The following BTBD9 variants were observed in gnomAD, a reference collection of about 807,000 sequenced individuals.
BTBD9 encodes BTB domain containing 9.
A neutral mutation model predicts 64.3 loss-of-function variants in BTBD9; 49 were observed. The observed-to-expected ratio is 0.76, with a 90% CI of 0.61 to 0.97. BTBD9 has a LOEUF of 0.97. BTBD9 is among the 50% of genes least tolerant of loss of function. BTBD9 has a pLI of 0.00. For missense variants in BTBD9, 598 were observed against 762.1 expected, an observed-to-expected ratio of 0.78 and a Z score of 2.53; for synonymous variants, 260 against 274.7, an observed-to-expected ratio of 0.95 and a Z score of 0.53.
chr6:38,438,759 A>G (rs1016570288), intron 6 of BTBD9, among the ~76,000 whole-genome samples: 1 of 152,242 alleles, frequency 6.6e-6, no homozygotes, highest in African/African-American at 2.4e-5. Flanking sequence ...ACAGATTAAA[A>G]AGACAAAATA....
intron 6 of BTBD9, among the ~76,000 whole-genome samples, chr6:38,399,335 T>C (rs1471687526): frequency 2.0e-5 from 3 of 152,100 alleles, no homozygotes; most frequent in African/African-American, 7.2e-5. Flanking sequence ...ACTACACACA[T>C]ATAATCACAT....
At position 38,548,725 on chromosome 6, in the gene BTBD9, T is replaced by C. The variant is rs191859839; in HGVS notation, c.1154+28875A>G. 4.6e-4 allele frequency among the ~76,000 whole-genome samples: 70 copies of C among 152,288 alleles called. 1 individual carries two copies. Among genetic ancestry groups the C allele is most frequent in the Non-Finnish European group, 7.9e-4 (54 of 68,022 alleles). On this transcript the variant is annotated intron_variant, in intron 6 of 10. Coordinates refer to ENST00000481247, the MANE Select transcript of BTBD9 (RefSeq NM_001099272.2). ...TGAAAACCACACTATAATTCAAATA[T>C]TGTTAAGGGTCATTGTCAATATGTT...
At chr6:38,234,731 T>A (rs1164940701) in intron 9 of BTBD9, among the ~76,000 whole-genome samples, 1 of 152,216 alleles carries the variant, frequency 6.6e-6, no homozygotes, top group African/African-American at 2.4e-5. Context: ...TGCCCAAGGA[T>A]GCTCGGCTAA....
chr6:38,347,080 T>C (rs1302090327), intron 6 of BTBD9, among the ~76,000 whole-genome samples: 3 of 152,194 alleles, frequency 2.0e-5, no homozygotes, highest in Non-Finnish European at 4.4e-5. Flanking sequence ...TCCTGTTCTT[T>C]CTTTTTAAAA....
At chr6:38,520,770 T>A (rs146154876) in intron 6 of BTBD9, among the ~76,000 whole-genome samples, 3 of 150,114 alleles carry the variant, frequency 2.0e-5, no homozygotes, top group African/African-American at 4.9e-5. Flanking sequence ...ACATCTCTAC[T>A]AAATATTAAA....
Position 38,513,341 on chromosome 6 carries a change from G to A in BTBD9, c.1154+64259C>T, listed in dbSNP as rs1451485456. ...TGCATGCCTATAGTCCCAGCTACTT[G>A]GGAGGCTGAAGCAGAAGAATTGCTT... On this transcript the variant is annotated intron_variant, in intron 6 of 10. Transcript: ENST00000481247. Among the ~76,000 whole-genome samples, 4 of 151,974 alleles carry A rather than the reference G, an allele frequency of 2.6e-5. No homozygotes were observed. In the East Asian group the frequency reaches 5.8e-4, roughly 22 times the overall value.
chr6:38,261,203 A>T (rs143308245), intron 8 of BTBD9, among the ~76,000 whole-genome samples: 94 of 152,290 alleles, frequency 6.2e-4, no homozygotes, highest in South Asian at 1.2e-3. Context: ...TGGGATTAAA[A>T]GCATGAGCCA....
chr6:38,411,721 A>G (rs1295529119), intron 6 of BTBD9, among the ~76,000 whole-genome samples: 2 of 152,134 alleles, frequency 1.3e-5, no homozygotes, highest in Non-Finnish European at 2.9e-5. Flanking sequence ...AGATTACTTG[A>G]GCTGAGGAGT....
At chr6:38,203,878 A>G (rs1001790093) in intron 9 of BTBD9, among the ~76,000 whole-genome samples, 1 of 152,176 alleles carries the variant, frequency 6.6e-6, no homozygotes, top group African/African-American at 2.4e-5. Context: ...AATGTATTGT[A>G]TATTTCAAAG....
intron 9 of BTBD9, among the ~76,000 whole-genome samples, chr6:38,231,775 G>A (rs1195094925): frequency 6.6e-6 from 1 of 152,178 alleles, no homozygotes; most frequent in East Asian, 1.9e-4. Flanking sequence ...GAGAAAGACA[G>A]GACCAAATTT....
chr6:38,314,385 C>T (rs559956137), intron 7 of BTBD9, among the ~76,000 whole-genome samples: 2 of 151,366 alleles, frequency 1.3e-5, no homozygotes, highest in South Asian at 2.1e-4. Context: ...TTAGTAGAGA[C>T]GGGGTTTCAC....
chr6:38,467,900 G>A (rs1051602784), intron 6 of BTBD9, among the ~76,000 whole-genome samples: 1 of 152,072 alleles, frequency 6.6e-6, no homozygotes, highest in Non-Finnish European at 1.5e-5. Flanking sequence ...CAAGTTCAGT[G>A]CCTCGTTATC....
At chr6:38,613,822 C>T (rs1777699619) in intron 1 of BTBD9, among the ~76,000 whole-genome samples, 1 of 152,108 alleles carries the variant, frequency 6.6e-6, no homozygotes, top group South Asian at 2.1e-4. Flanking sequence ...CCTGACTTTC[C>T]TATCAGCAAA....
At chr6:38,472,864 A>G (rs572230863) in intron 6 of BTBD9, among the ~76,000 whole-genome samples, 22 of 152,310 alleles carry the variant, frequency 1.4e-4, no homozygotes, top group East Asian at 1.3e-3. Context: ...TTCTTGGGGG[A>G]AAATCAGCTT....
intron 7 of BTBD9, among the ~76,000 whole-genome samples, chr6:38,322,325 G>A (rs1453636581): frequency 6.6e-6 from 1 of 152,102 alleles, no homozygotes; most frequent in South Asian, 2.1e-4. Flanking sequence ...GCTCACTAAT[G>A]TGACTATTAG....
chr6:38,360,757 T>G (rs907832786), intron 6 of BTBD9, among the ~76,000 whole-genome samples: 2 of 151,918 alleles, frequency 1.3e-5, no homozygotes, highest in Non-Finnish European at 2.9e-5. Flanking sequence ...TACACTCAAC[T>G]GGGATGGAGA....
chr6:38,210,499 T>A (rs922816394), intron 9 of BTBD9, among the ~76,000 whole-genome samples: 1 of 151,842 alleles, frequency 6.6e-6, no homozygotes, highest in African/African-American at 2.4e-5. Context: ...TCTGTATTCA[T>A]GTTTGTACAC....
chr6:38,523,333 C>T (rs907734379), intron 6 of BTBD9, among the ~76,000 whole-genome samples: 7 of 152,134 alleles, frequency 4.6e-5, no homozygotes, highest in African/African-American at 1.7e-4. Flanking sequence ...ACTCACCAAC[C>T]GTCTCCACCA....
At position 38,169,830 on chromosome 6, in the gene BTBD9, T is replaced by G. The variant is rs1206629946; in HGVS notation, c.*5155A>C. ...AATGGTAAATGCTCCCAGACATTTATCATAAATTACAGGTGGATGATTGTG... is the reference window on the plus strand; with the variant it reads ...AATGGTAAATGCTCCCAGACATTTAGCATAAATTACAGGTGGATGATTGTG... On this transcript the variant is annotated 3_prime_UTR_variant, in exon 11 of 11. Transcript: ENST00000481247. The G allele has an allele frequency of 6.8e-6, 1 of 148,114 alleles. No individual in the cohort carries two copies. The highest frequency in any genetic ancestry group is 2.5e-5 in the African/African-American group (1 of 40,312). The allele number at this position is 148,114 out of a possible 1,614,324, so 9.2% of individuals were successfully genotyped here.
Sources: allele counts gnomAD v4.1 joint callset (sites outside exome capture counted in the v4.1 genomes callset), GRCh38; gene constraint gnomAD v4.1.1; transcripts MANE v1.5; gene names NCBI Gene and HGNC (gene_info 2026-07-23, HGNC 2026-07-21).